The following GALNT13 variants were observed in gnomAD, a reference collection of about 807,000 sequenced individuals.
GALNT13 encodes the protein polypeptide N-acetylgalactosaminyltransferase 13.
GALNT13 carries 28 observed loss-of-function variants against 64.2 expected under a neutral mutation model. The observed-to-expected ratio is 0.44, with a 90% CI of 0.32 to 0.60. The LOEUF (loss-of-function observed/expected upper bound fraction) is 0.60. Ranked by LOEUF, GALNT13 falls within the 20% of genes least tolerant of loss-of-function variation. GALNT13 has a pLI of 0.05. For missense variants in GALNT13, 577 were observed against 669.8 expected, an observed-to-expected ratio of 0.86 and a Z score of 1.53; for synonymous variants, 214 against 224.6, an observed-to-expected ratio of 0.95 and a Z score of 0.42.
chr2:153,839,968 T>G, the GALNT13 span, among the ~76,000 whole-genome samples: 6 of 151,994 alleles, frequency 3.9e-5, no homozygotes, highest in African/African-American at 1.2e-4. Flanking sequence ...AAACCTAACT[T>G]AGAATATTTT....
the GALNT13 span, among the ~76,000 whole-genome samples, chr2:153,448,353 C>T: frequency 6.6e-6 from 1 of 152,040 alleles, no homozygotes; most frequent in South Asian, 2.1e-4. Context: ...AGAATAGAAT[C>T]GTATTTTCTT....
chr2:153,521,682 G>A, the GALNT13 span, among the ~76,000 whole-genome samples: 7 of 152,166 alleles, frequency 4.6e-5, no homozygotes, highest in Middle Eastern at 3.4e-3. Flanking sequence ...AAAATCATCC[G>A]TATTCTGCCT....
the GALNT13 span, among the ~76,000 whole-genome samples, chr2:153,341,195 ATAAG>A: frequency 6.6e-6 from 1 of 152,232 alleles, no homozygotes; most frequent in Non-Finnish European, 1.5e-5. Context: ...AAGGATAATA[ATAAG>A]TATTGCATGG....
the GALNT13 span, among the ~76,000 whole-genome samples, chr2:153,440,220 G>GT: frequency 1.3e-5 from 2 of 151,786 alleles, no homozygotes; most frequent in Non-Finnish European, 2.9e-5. Flanking sequence ...CTGTTCCTGT[G>GT]TTAGTTTGCT....
chr2:153,266,589 C>T, the GALNT13 span, among the ~76,000 whole-genome samples: 36 of 152,098 alleles, frequency 2.4e-4, no homozygotes, highest in African/African-American at 7.9e-4. Context: ...AGAGAGAGCT[C>T]GAGTGCAGGG....
chr2:153,141,215 T>G, the GALNT13 span, among the ~76,000 whole-genome samples: 1 of 151,178 alleles, frequency 6.6e-6, no homozygotes, highest in Non-Finnish European at 1.5e-5. Context: ...ATTTTCTTTT[T>G]AAATTGCTGA....
chr2:154,105,050 A>C lies in GALNT13; in HGVS notation c.143-35287A>C, dbSNP rs528940881. On this transcript the variant is annotated intron_variant, in intron 3 of 12. Coordinates refer to ENST00000392825, the MANE Select transcript of GALNT13 (RefSeq NM_052917.4). ...AGGCTGTTGCAGGGTGAAGGGGCCA[A>C]AGAATTACTTCCACCTACCCTTTTT... Among the ~76,000 whole-genome samples the C allele has an allele frequency of 2.7e-3, 405 of 152,230 alleles. 2 individuals are homozygous for C. Among genetic ancestry groups the C allele is most frequent in the African/African-American group, 9.4e-3 (392 of 41,556 alleles).
At chr2:153,098,041 G>C in the GALNT13 span, among the ~76,000 whole-genome samples, 2 of 152,146 alleles carry the variant, frequency 1.3e-5, no homozygotes, top group African/African-American at 2.4e-5. Flanking sequence ...ACTCCAGCCT[G>C]GGCAACAGAG....
At chr2:153,343,904 A>G in the GALNT13 span, among the ~76,000 whole-genome samples, 4 of 152,210 alleles carry the variant, frequency 2.6e-5, no homozygotes, top group African/African-American at 9.6e-5. Context: ...TTGTTAAAAG[A>G]ACAATGTATA....
At chr2:154,145,432 A>T (rs555185776) in intron 4 of GALNT13, among the ~76,000 whole-genome samples, 1 of 152,040 alleles carries the variant, frequency 6.6e-6, no homozygotes, top group East Asian at 1.9e-4. Flanking sequence ...GTAAATAAAT[A>T]GATGCCATTT....
chr2:153,645,733 A>G, the GALNT13 span, among the ~76,000 whole-genome samples: 1 of 152,214 alleles, frequency 6.6e-6, no homozygotes, highest in East Asian at 1.9e-4. Flanking sequence ...TGCTTTCACA[A>G]TGCACTTATT....
chr2:153,850,638 C>T, the GALNT13 span, among the ~76,000 whole-genome samples: 1 of 151,982 alleles, frequency 6.6e-6, no homozygotes, highest in Non-Finnish European at 1.5e-5. Context: ...GACATTAAAA[C>T]AATTTTTAGA....
the GALNT13 span, among the ~76,000 whole-genome samples, chr2:153,439,527 C>T: frequency 5.3e-5 from 8 of 152,278 alleles, no homozygotes; most frequent in South Asian, 2.1e-4. Context: ...AGCAGGTGCC[C>T]CTCCCCCAGC....
the GALNT13 span, among the ~76,000 whole-genome samples, chr2:153,821,400 C>T: frequency 1.6e-4 from 24 of 152,208 alleles, no homozygotes; most frequent in African/African-American, 4.3e-4. Flanking sequence ...ACTTTTAGAT[C>T]GCTGTAGAAT....
chr2:153,864,683 T>C, the GALNT13 span, among the ~76,000 whole-genome samples: 1 of 151,794 alleles, frequency 6.6e-6, no homozygotes, highest in South Asian at 2.1e-4. Flanking sequence ...TGGAAGAACA[T>C]TCCATGCTCA....
chr2:154,063,744 G>A (rs935369438), intron 3 of GALNT13, among the ~76,000 whole-genome samples: 5 of 152,160 alleles, frequency 3.3e-5, no homozygotes, highest in African/African-American at 1.2e-4. Context: ...AATATTAAAT[G>A]AGAGGTCTAG....
At chr2:154,330,866 AC>A (rs1695130245) in intron 9 of GALNT13, among the ~76,000 whole-genome samples, 1 of 152,166 alleles carries the variant, frequency 6.6e-6, no homozygotes, top group African/African-American at 2.4e-5. Context: ...ATAAGTTTCT[AC>A]TGACTGTTCT....
At chr2:153,679,601 C>T in the GALNT13 span, among the ~76,000 whole-genome samples, 1 of 151,850 alleles carries the variant, frequency 6.6e-6, no homozygotes, top group Non-Finnish European at 1.5e-5. Context: ...TGGATGTCTT[C>T]ACCTTATTAT....
the GALNT13 span, among the ~76,000 whole-genome samples, chr2:153,387,768 C>T: frequency 2.6e-5 from 4 of 151,870 alleles, no homozygotes; most frequent in Non-Finnish European, 5.9e-5. Context: ...CCATGTGTAC[C>T]AAAGATGATT....
Sources: gnomAD v4.1 joint callset for allele counts (sites outside exome capture counted in the v4.1 genomes callset) on GRCh38, gnomAD v4.1.1 for gene constraint, MANE v1.5 for transcripts, NCBI Gene and HGNC (gene_info 2026-07-23, HGNC 2026-07-21) for gene names.